Variants in LARGE1 observed in about 807,000 individuals in gnomAD.
LARGE1 encodes LARGE xylosyl- and glucuronyltransferase 1, also known as xylosyl- and glucuronyltransferase LARGE1.
In LARGE1, 43 loss-of-function variants were observed where a neutral mutation model predicts 87.6. That is an observed-to-expected ratio of 0.49 (90% CI 0.38 to 0.63). LARGE1 has a LOEUF of 0.63. LARGE1 is among the 30% of genes least tolerant of loss of function. LARGE1 has a pLI of 0.00. For synonymous variants in LARGE1, 434 were observed against 394.6 expected (o/e 1.10, Z -1.18); for missense variants, 802 against 1,000.2 (o/e 0.80, Z 2.67).
intron 6 of LARGE1, among the ~76,000 whole-genome samples, chr22:33,518,286 C>T (rs1455540104): frequency 6.6e-6 from 1 of 152,224 alleles, no homozygotes; most frequent in Admixed American, 6.5e-5. Flanking sequence ...GTTAAATCAA[C>T]AGCCCAAGGT....
At chr22:33,569,358 G>A (rs1213200425) in intron 5 of LARGE1, among the ~76,000 whole-genome samples, 2 of 152,192 alleles carry the variant, frequency 1.3e-5, no homozygotes, top group Non-Finnish European at 2.9e-5. Context: ...GAGGCACTCA[G>A]TTACACTGCA....
intron 2 of LARGE1, among the ~76,000 whole-genome samples, chr22:33,659,757 A>AAG (rs1555987398): frequency 2.0e-5 from 3 of 151,384 alleles, no homozygotes; most frequent in African/African-American, 7.3e-5. Flanking sequence ...AAAAAAAAAA[A>AAG]AAAAAAGGAG....
the LARGE1 span, among the ~76,000 whole-genome samples, chr22:33,085,980 G>A: frequency 2.6e-5 from 4 of 152,112 alleles, no homozygotes; most frequent in Non-Finnish European, 5.9e-5. Flanking sequence ...TAAGTTAATT[G>A]TCTTCTATTT....
chr22:33,782,132 GTTC>G (rs2085442815), intron 1 of LARGE1, among the ~76,000 whole-genome samples: 1 of 152,206 alleles, frequency 6.6e-6, no homozygotes, highest in South Asian at 2.1e-4. Flanking sequence ...TGGAGTCCGA[GTTC>G]TTCTTTTTGG....
At chr22:33,855,897 C>A (rs533188149) in intron 1 of LARGE1, among the ~76,000 whole-genome samples, 1 of 152,110 alleles carries the variant, frequency 6.6e-6, no homozygotes, top group Admixed American at 6.5e-5. Flanking sequence ...TCTTCACATG[C>A]CCCCTTTTTA....
At chr22:33,670,527 G>A (rs2081379060) in intron 2 of LARGE1, among the ~76,000 whole-genome samples, 2 of 151,908 alleles carry the variant, frequency 1.3e-5, no homozygotes, top group African/African-American at 2.4e-5. Flanking sequence ...GTGGACCCAC[G>A]GGGGCACCGC....
the LARGE1 span, among the ~76,000 whole-genome samples, chr22:33,136,922 C>T: frequency 7.4e-6 from 1 of 135,366 alleles, no homozygotes. Context: ...ATTAGAACCA[C>T]AAATATTAAG....
intron 11 of LARGE1, among the ~76,000 whole-genome samples, chr22:33,193,590 G>T (rs1923903624): frequency 6.6e-6 from 1 of 151,978 alleles, no homozygotes; most frequent in African/African-American, 2.4e-5. Flanking sequence ...GCATGAGGTG[G>T]GCAGATCACT....
At chr22:33,566,901 T>C (rs183830934) in intron 5 of LARGE1, among the ~76,000 whole-genome samples, 230 of 152,332 alleles carry the variant, frequency 1.5e-3, no homozygotes, top group African/African-American at 5.4e-3. Context: ...AGTCCCCATT[T>C]GACCCAGGAA....
chr22:33,427,646 A>C (rs2066925042), intron 7 of LARGE1, among the ~76,000 whole-genome samples: 1 of 152,266 alleles, frequency 6.6e-6, no homozygotes. Flanking sequence ...CTGCGGTTGA[A>C]TCTGAATTAG....
intron 6 of LARGE1, among the ~76,000 whole-genome samples, chr22:33,459,681 A>C (rs2068292266): frequency 6.6e-6 from 1 of 150,922 alleles, no homozygotes; most frequent in Admixed American, 6.6e-5. Context: ...GGCCTAGGCA[A>C]TTTATCTGAT....
the LARGE1 span, among the ~76,000 whole-genome samples, chr22:33,145,045 G>A: frequency 6.6e-6 from 1 of 152,094 alleles, no homozygotes; most frequent in African/African-American, 2.4e-5. Flanking sequence ...GGAGTAGAAA[G>A]GAGAGGCTTC....
At chr22:33,448,097 G>A (rs1029494794) in intron 6 of LARGE1, among the ~76,000 whole-genome samples, 1 of 152,022 alleles carries the variant, frequency 6.6e-6, no homozygotes. Context: ...GACAGGGAGA[G>A]GGGGGTGTGG....
In LARGE1 at chr22:33,274,634, G is replaced by C. The variant is rs1192231240; in HGVS notation, c.2074-10C>G. 5 of 1,613,796 alleles carry C rather than the reference G, an allele frequency of 3.1e-6. No individual in the cohort carries two copies. The highest frequency in any genetic ancestry group is 4.2e-6 in the Non-Finnish European group (5 of 1,179,704). On this transcript the variant is annotated splice_polypyrimidine_tract_variant and intron_variant, in intron 14 of 14. Coordinates refer to ENST00000397394, the MANE Select transcript of LARGE1 (RefSeq NM_133642.5). ...CAATGAACTCATACTCCTGGAAGAA[G>C]ACAAGAGCAGCGTGAGAACCCGCAA...
chr22:33,852,245 G>T (rs2063607155), intron 1 of LARGE1, among the ~76,000 whole-genome samples: 1 of 152,100 alleles, frequency 6.6e-6, no homozygotes, highest in Non-Finnish European at 1.5e-5. Context: ...ACGTTGAAAG[G>T]TCAGCCCTGG....
intron 2 of LARGE1, among the ~76,000 whole-genome samples, chr22:33,661,791 G>A (rs1603036043): frequency 6.6e-6 from 1 of 152,200 alleles, no homozygotes; most frequent in East Asian, 1.9e-4. Context: ...CATCATGAGT[G>A]TGTCTTTAAT....
intron 6 of LARGE1, among the ~76,000 whole-genome samples, chr22:33,471,911 G>A (rs1395667315): frequency 2.0e-5 from 3 of 152,090 alleles, no homozygotes; most frequent in Admixed American, 6.5e-5. Context: ...TTAGCTGGGC[G>A]TGGTGGCGGG....
intron 1 of LARGE1, among the ~76,000 whole-genome samples, chr22:33,773,305 C>T (rs238865): frequency 0.57 from 87,033 of 152,146 alleles, 25,734 homozygotes; most frequent in African/African-American, 0.71. Context: ...AAAAGCCGCA[C>T]GCAATATGCT....
At chr22:33,330,811 C>T (rs1937613984) in intron 10 of LARGE1, among the ~76,000 whole-genome samples, 1 of 152,198 alleles carries the variant, frequency 6.6e-6, no homozygotes, top group South Asian at 2.1e-4. Context: ...CACATCTTGG[C>T]TCCTTGATGA....
Sources: gnomAD v4.1 joint callset for allele counts (sites outside exome capture counted in the v4.1 genomes callset) on GRCh38, gnomAD v4.1.1 for gene constraint, MANE v1.5 for transcripts, NCBI Gene and HGNC (gene_info 2026-07-23, HGNC 2026-07-21) for gene names.